Variants in HAS2 observed in about 807,000 individuals in gnomAD.
The protein encoded by HAS2 is HA synthase 2.
HAS2 carries 16 observed loss-of-function variants against 51.6 expected under a neutral mutation model. That is an observed-to-expected ratio of 0.31 (90% CI 0.21 to 0.47). The LOEUF (loss-of-function observed/expected upper bound fraction) is 0.47, where lower values mean the gene tolerates loss of function less well. Ranked by LOEUF, HAS2 falls within the 20% of genes least tolerant of loss-of-function variation. The pLI, the probability that HAS2 is intolerant of heterozygous loss-of-function variation, is 1.00. For missense variants in HAS2, 361 were observed against 662.6 expected (o/e 0.54, Z 5.00); for synonymous variants, 228 against 235.5 (o/e 0.97, Z 0.29).
In HAS2 at chr8:121,628,938, T is replaced by C; in HGVS notation, c.403A>G (p.Ser135Gly). 6.2e-7 allele frequency: 1 copy of C among 1,614,068 alleles called. No homozygotes were observed. Among genetic ancestry groups the C allele is most frequent in the South Asian group, 1.1e-5 (1 of 91,076 alleles). Residue 135 changes from serine (S) to glycine (G), a missense_variant, in exon 2 of 4, where the codon AGT becomes GGT. By Grantham distance (56) the Ser-to-Gly change is moderately conservative. Around this residue, in one of 5 missense-constraint regions of HAS2, gnomAD observed 145 missense variants for 217.6 expected, o/e 0.67. Coordinates refer to ENST00000303924, the MANE Select transcript of HAS2 (RefSeq NM_005328.3). Reference sequence around the variant, plus strand: ...GATTTGTCTCTGCCCATGACTTCACTGAAGATGTCCATCATGTAAAGGTCA... The same window carrying C: ...GATTTGTCTCTGCCCATGACTTCACCGAAGATGTCCATCATGTAAAGGTCA... Reference protein sequence around the residue: ...EDDLYMMDIFSEVMGRDKSAT... With the variant: ...EDDLYMMDIFGEVMGRDKSAT...
At chr8:121,634,931 AG>A (rs1737261505) in intron 1 of HAS2, among the ~76,000 whole-genome samples, 1 of 152,180 alleles carries the variant, frequency 6.6e-6, no homozygotes, top group Non-Finnish European at 1.5e-5. Context: ...TTATGAGCTC[AG>A]GGTTCAAGTT....
chr8:121,622,865 A>G (rs2130438959), intron 2 of HAS2, among the ~76,000 whole-genome samples: 1 of 152,218 alleles, frequency 6.6e-6, no homozygotes, highest in East Asian at 1.9e-4. Context: ...AGCAGCCTCA[A>G]ATTAAGCAAC....
At position 121,617,223 on chromosome 8, in the gene HAS2, G is replaced by A; in HGVS notation, c.628-17C>T. ...ATCACAAACCTGCAAAGAAGCAAAT[G>A]AAAAATGAGTTAAAGAAAAGGAAGA... On this transcript the variant is annotated splice_polypyrimidine_tract_variant and intron_variant, in intron 2 of 3. Transcript: ENST00000303924. 6.9e-7 allele frequency: 1 copy of A among 1,456,944 alleles called. No homozygotes were observed. The highest frequency in any genetic ancestry group is 1.8e-4 in the Middle Eastern group (1 of 5,700). 90.3% of individuals were successfully genotyped at this position (1,456,944 alleles called of 1,614,324 possible).
chr8:121,615,917 A>T (rs1247724526), intron 3 of HAS2, among the ~76,000 whole-genome samples: 1 of 152,064 alleles, frequency 6.6e-6, no homozygotes, highest in African/African-American at 2.4e-5. Context: ...AGATTTCTAC[A>T]TTCTCTCCTC....
chr8:121,615,540 G>T (rs1415660152), intron 3 of HAS2, among the ~76,000 whole-genome samples: 1 of 152,070 alleles, frequency 6.6e-6, no homozygotes, highest in Admixed American at 6.5e-5. Flanking sequence ...GGCCAGGCTG[G>T]TCTTGCTCCT....
intron 2 of HAS2, among the ~76,000 whole-genome samples, chr8:121,627,228 C>G (rs1812866754): frequency 6.6e-6 from 1 of 152,174 alleles, no homozygotes; most frequent in African/African-American, 2.4e-5. Flanking sequence ...TTCATATCCT[C>G]TATAAGTTCT....
At chr8:121,638,582 C>CA (rs1489632291) in intron 1 of HAS2, among the ~76,000 whole-genome samples, 3 of 152,168 alleles carry the variant, frequency 2.0e-5, no homozygotes, top group African/African-American at 7.2e-5. Flanking sequence ...GAAATGTCCA[C>CA]TTAAAAATCA....
At position 121,614,012 on chromosome 8, in the gene HAS2, T is replaced by A; in HGVS notation, c.*97A>T. ...TGTTCAAGTCCCAGCAGCAGTGATA[T>A]GTCTCCTTTGGTGGCATTATCTGAT... On this transcript the variant is annotated 3_prime_UTR_variant, in exon 4 of 4. Coordinates refer to ENST00000303924, the MANE Select transcript of HAS2 (RefSeq NM_005328.3). The surrounding 1 kb of genome is among the most constrained non-coding windows in gnomAD (Gnocchi z 7.2). The A allele has an allele frequency of 6.3e-7, 1 of 1,594,100 alleles. No homozygotes were observed. Among genetic ancestry groups the A allele is most frequent in the Non-Finnish European group, 8.6e-7 (1 of 1,169,482 alleles).
At chr8:121,620,932 G>C (rs1023432006) in intron 2 of HAS2, among the ~76,000 whole-genome samples, 1 of 152,096 alleles carries the variant, frequency 6.6e-6, no homozygotes, top group Non-Finnish European at 1.5e-5. Context: ...CATAAATAAG[G>C]TTTTATTGGA....
chr8:121,637,059 A>G (rs1335678370), intron 1 of HAS2, among the ~76,000 whole-genome samples: 1 of 152,206 alleles, frequency 6.6e-6, no homozygotes, highest in Admixed American at 6.5e-5. Context: ...TTAGGATTAG[A>G]TATATGTATG....
At chr8:121,635,400 G>C (rs1181406390) in intron 1 of HAS2, among the ~76,000 whole-genome samples, 1 of 152,148 alleles carries the variant, frequency 6.6e-6, no homozygotes, top group Non-Finnish European at 1.5e-5. Context: ...AGTGATGTTA[G>C]CTTCCTGCCA....
chr8:121,630,508 G>A (rs1812915390), intron 1 of HAS2, among the ~76,000 whole-genome samples: 1 of 151,986 alleles, frequency 6.6e-6, no homozygotes, highest in South Asian at 2.1e-4. Flanking sequence ...TTTCCTCCTG[G>A]AGTTTTATTT....
At chr8:121,631,956 T>C (rs1586508881) in intron 1 of HAS2, among the ~76,000 whole-genome samples, 1 of 152,236 alleles carries the variant, frequency 6.6e-6, no homozygotes. Flanking sequence ...CACGTGGACA[T>C]AGAGAGTGTT....
intron 1 of HAS2, among the ~76,000 whole-genome samples, chr8:121,633,595 G>A (rs983789002): frequency 6.6e-6 from 1 of 152,204 alleles, no homozygotes; most frequent in Non-Finnish European, 1.5e-5. Context: ...TTCAAAGGAA[G>A]AGCCTGGTTC....
chr8:121,640,444 T>G (rs984451582), intron 1 of HAS2, among the ~76,000 whole-genome samples: 14 of 143,376 alleles, frequency 9.8e-5, no homozygotes, highest in South Asian at 4.5e-4. Flanking sequence ...TGTGTGTGTG[T>G]GGGAAAAAAA....
At chr8:121,629,435 T>C (rs2130446020) in intron 1 of HAS2, 95 bp from the exon 2 acceptor site, 1 of 1,000,822 alleles carries the variant, frequency 1.0e-6, no homozygotes, top group South Asian at 1.6e-5. Flanking sequence ...ACTAGAAGCA[T>C]TCAGGAGTTT....
intron 1 of HAS2, among the ~76,000 whole-genome samples, chr8:121,632,284 AT>A (rs2130448816): frequency 6.6e-6 from 1 of 152,288 alleles, no homozygotes; most frequent in African/African-American, 2.4e-5. Context: ...TATGGGCACC[AT>A]GTGTTAGACT....
At chr8:121,624,428 CA>C (rs1467445482) in intron 2 of HAS2, among the ~76,000 whole-genome samples, 1 of 152,220 alleles carries the variant, frequency 6.6e-6, no homozygotes, top group Admixed American at 6.5e-5. Flanking sequence ...TGCTTGTCAG[CA>C]AATGACCACC....
rs1445288296 is a variant in HAS2 at position 121,613,434 on chromosome 8, C to T, written c.*675G>A. 3 of 152,520 alleles carry T rather than the reference C, an allele frequency of 2.0e-5. No homozygotes were observed. The highest frequency in any genetic ancestry group is 2.9e-5 in the Non-Finnish European group (2 of 68,024). The allele number at this position is 152,520 out of a possible 1,614,324, so 9.4% of individuals were successfully genotyped here. On this transcript the variant is annotated 3_prime_UTR_variant, in exon 4 of 4. Transcript: ENST00000303924. ...GAGAGAAACATTTTATTCTTTCTAT[C>T]ATGAACATCAGTCAACCAAGCTTCA...
Sources: gnomAD v4.1 joint callset for allele counts (sites outside exome capture counted in the v4.1 genomes callset) on GRCh38, gnomAD v4.1.1 for gene constraint, gnomAD v4.1.1 regional missense constraint, Gnocchi (gnomAD v3.1) non-coding constraint, MANE v1.5 for transcripts, NCBI Gene and HGNC (gene_info 2026-07-23, HGNC 2026-07-21) for gene names.